The following ZC3H12B variants were observed in gnomAD, a reference collection of about 807,000 sequenced individuals.
The protein encoded by ZC3H12B is probable ribonuclease ZC3H12B.
A neutral mutation model predicts 43.9 loss-of-function variants in ZC3H12B; 7 were observed. The observed-to-expected ratio is 0.16, with a 90% CI of 0.09 to 0.30. The LOEUF is 0.30. ZC3H12B is among the 10% of genes least tolerant of loss of function. The pLI, the probability that ZC3H12B is intolerant of heterozygous loss-of-function variation, is 1.00. For synonymous variants in ZC3H12B, 222 were observed against 241.7 expected, an observed-to-expected ratio of 0.92 and a Z score of 0.76; for missense variants, 475 against 670.2, an observed-to-expected ratio of 0.71 and a Z score of 3.22.
Position 65,461,821 on chromosome X carries a change from G to T in ZC3H12B, n.408-26825G>T, listed in dbSNP as rs1188397201. ...TATATATGTAACAAACCTGCACGTT[G>T]TGCACATGTACCCTAAAAGCATAAT... On this transcript the variant is annotated intron_variant and non_coding_transcript_variant, in intron 3 of 5. Transcript: ENST00000617377. Among the ~76,000 whole-genome samples the T allele has an allele frequency of 5.5e-5, 6 of 109,994 alleles. 1 individual carries two copies. The Admixed American group carries it at 5.8e-4, about 11-fold the overall frequency.
At chrX:65,489,209 A>G in exon 1 of ZC3H12B, 5 of 1,211,718 alleles carry the variant, frequency 4.1e-6, no homozygotes, top group East Asian at 3.0e-5. Flanking sequence ...GCCCAGAATC[A>G]CTTATTAATG....
At chrX:65,377,718 A>T (rs1439270117) in intron 2 of ZC3H12B, among the ~76,000 whole-genome samples, 1 of 111,624 alleles carries the variant, frequency 9.0e-6, no homozygotes, top group African/African-American at 3.3e-5. Context: ...ACAAAAGCTG[A>T]GGAATTTTAC....
chrX:65,177,784 C>G, the ZC3H12B span, among the ~76,000 whole-genome samples: 1 of 112,062 alleles, frequency 8.9e-6, no homozygotes, highest in South Asian at 3.7e-4. Flanking sequence ...AGGACACAAA[C>G]AATTGGAAAA....
chrX:65,223,012 A>T, the ZC3H12B span, among the ~76,000 whole-genome samples: 17 of 112,142 alleles, frequency 1.5e-4, no homozygotes, highest in Admixed American at 1.5e-3. Flanking sequence ...TCACCAAAAC[A>T]GCATGGTACT....
intron 2 of ZC3H12B, among the ~76,000 whole-genome samples, chrX:65,387,924 T>C (rs1446687797): frequency 8.9e-6 from 1 of 112,249 alleles, no homozygotes; most frequent in Admixed American, 9.5e-5. Flanking sequence ...GGATATGAAA[T>C]TCTGGGTTGA....
chrX:65,249,212 A>G, the ZC3H12B span, among the ~76,000 whole-genome samples: 1 of 112,016 alleles, frequency 8.9e-6, no homozygotes, highest in Non-Finnish European at 1.9e-5. Flanking sequence ...TTATAGTTTC[A>G]TGTCTTATAT....
chrX:65,438,472 G>A (rs1424432522), intron 3 of ZC3H12B, among the ~76,000 whole-genome samples: 2 of 111,666 alleles, frequency 1.8e-5, no homozygotes, highest in African/African-American at 3.3e-5. Flanking sequence ...CAGCTCAGTC[G>A]GGGAGACCCT....
the ZC3H12B span, among the ~76,000 whole-genome samples, chrX:65,157,212 C>G: frequency 8.1e-5 from 9 of 111,647 alleles, no homozygotes; most frequent in Non-Finnish European, 1.7e-4. Flanking sequence ...GACTTCTGTG[C>G]TCAAGGTATC....
At chrX:65,327,530 G>T in the ZC3H12B span, among the ~76,000 whole-genome samples, 1 of 111,138 alleles carries the variant, frequency 9.0e-6, no homozygotes, top group South Asian at 3.8e-4. Context: ...GAAAAACATG[G>T]ATGACTTGCA....
chrX:65,451,110 G>A (rs2067502542), intron 3 of ZC3H12B, among the ~76,000 whole-genome samples: 1 of 108,585 alleles, frequency 9.2e-6, no homozygotes, highest in Non-Finnish European at 1.9e-5. Context: ...ACCATGCCTG[G>A]CTAATTTTTT....
At chrX:65,304,550 A>G in the ZC3H12B span, among the ~76,000 whole-genome samples, 1 of 108,119 alleles carries the variant, frequency 9.2e-6, no homozygotes, top group Non-Finnish European at 1.9e-5. Flanking sequence ...CGGGAGGCGG[A>G]GCTTGCAGTG....
the ZC3H12B span, among the ~76,000 whole-genome samples, chrX:65,239,569 C>G: frequency 9.0e-6 from 1 of 111,448 alleles, no homozygotes; most frequent in Non-Finnish European, 1.9e-5. Context: ...GGGCATTTCT[C>G]CCATTTACAT....
chrX:65,505,932 C>T (rs1260147384), exon 5 of ZC3H12B: 1 of 112,488 alleles, frequency 8.9e-6, no homozygotes, highest in African/African-American at 3.2e-5. Flanking sequence ...AGGAGCAATG[C>T]CTCAAATAAC....
At chrX:65,056,205 C>G in the ZC3H12B span, among the ~76,000 whole-genome samples, 3 of 111,386 alleles carry the variant, frequency 2.7e-5, no homozygotes. Flanking sequence ...TAGATCTTTC[C>G]TGCTTTTTCT....
the ZC3H12B span, among the ~76,000 whole-genome samples, chrX:65,325,021 C>T: frequency 9.0e-6 from 1 of 110,513 alleles, no homozygotes; most frequent in South Asian, 3.8e-4. Flanking sequence ...ACAAATTGAT[C>T]TTTTTGTTAT....
the ZC3H12B span, among the ~76,000 whole-genome samples, chrX:65,308,551 A>C: frequency 9.0e-6 from 1 of 111,484 alleles, no homozygotes; most frequent in East Asian, 2.8e-4. Context: ...AGACTTTAGC[A>C]CCCCACTGTC....
the ZC3H12B span, among the ~76,000 whole-genome samples, chrX:65,202,838 A>T: frequency 3.6e-5 from 4 of 111,240 alleles, no homozygotes; most frequent in Non-Finnish European, 7.5e-5. Context: ...CCAGGTGGCA[A>T]GTTCCCCCCA....
chrX:65,349,864 G>A, the ZC3H12B span, among the ~76,000 whole-genome samples: 2 of 111,633 alleles, frequency 1.8e-5, no homozygotes, highest in Non-Finnish European at 3.8e-5. Flanking sequence ...TTAATTCATA[G>A]CCTAACAACC....
At chrX:65,414,664 G>C (rs1569399785) in intron 3 of ZC3H12B, among the ~76,000 whole-genome samples, 2 of 111,110 alleles carry the variant, frequency 1.8e-5, no homozygotes, top group Non-Finnish European at 3.8e-5. Context: ...AGCTCTACAA[G>C]GAGTATGGCC....
Sources: allele counts gnomAD v4.1 joint callset (sites outside exome capture counted in the v4.1 genomes callset), GRCh38; gene constraint gnomAD v4.1.1; transcripts MANE v1.5; gene names NCBI Gene and HGNC (gene_info 2026-07-23, HGNC 2026-07-21).